The following PTPRB variants were observed in gnomAD, a reference collection of about 807,000 sequenced individuals.
The protein encoded by PTPRB is receptor-type tyrosine-protein phosphatase beta.
Under a neutral mutation model 238.1 loss-of-function variants are expected in PTPRB, and 97 were observed. The ratio of observed to expected loss-of-function variants is 0.41; its 90% confidence interval spans 0.35 to 0.48. The LOEUF is 0.48. PTPRB is among the 20% of genes least tolerant of loss of function. The probability of loss-of-function intolerance (pLI) is 0.30; values close to 1 mark genes in which losing one functional copy is unlikely to be tolerated. For missense variants in PTPRB, 2,292 were observed against 2,681.9 expected, an observed-to-expected ratio of 0.85 and a Z score of 3.21; for synonymous variants, 970 against 995.4, an observed-to-expected ratio of 0.97 and a Z score of 0.48.
intron 5 of PTPRB, 48 bp downstream of exon 5, chr12:70,596,001 T>G (rs749671442): frequency 1.3e-4 from 180 of 1,416,240 alleles, no homozygotes; most frequent in Non-Finnish European, 1.7e-4. Flanking sequence ...AAGTATAACT[T>G]GAAAAGTATC....
chr12:70,626,604 G>A (rs7137957), intron 2 of PTPRB, among the ~76,000 whole-genome samples: 4,706 of 152,054 alleles, frequency 0.031, 98 homozygotes, highest in Non-Finnish European at 0.046. Flanking sequence ...CATTTGTTAG[G>A]TGTTATTAGT....
chr12:70,530,353 C>T (rs896209344), intron 32 of PTPRB, among the ~76,000 whole-genome samples: 1 of 152,024 alleles, frequency 6.6e-6, no homozygotes, highest in Non-Finnish European at 1.5e-5. Flanking sequence ...TTCACATGTA[C>T]ACACTTATAT....
intron 4 of PTPRB, among the ~76,000 whole-genome samples, chr12:70,606,394 G>A (rs911664207): frequency 1.3e-5 from 2 of 152,176 alleles, no homozygotes; most frequent in South Asian, 2.1e-4. Flanking sequence ...CCTTAAGGTC[G>A]TGTCTATATG....
At chr12:70,569,284 AG>A (rs772659591) in intron 14 of PTPRB, among the ~76,000 whole-genome samples, 1 of 151,998 alleles carries the variant, frequency 6.6e-6, no homozygotes, top group African/African-American at 2.4e-5. Context: ...TTGTATTTTT[AG>A]TAGAAATGGG....
chr12:70,590,271 G>T, intron 7 of PTPRB, 38 bp from the exon 8 acceptor site: 1 of 1,503,932 alleles, frequency 6.6e-7, no homozygotes, highest in Non-Finnish European at 8.9e-7. Flanking sequence ...AGATATTACA[G>T]ACCAAAAGTA....
At chr12:70,554,973 A>C (rs1374572604) in intron 20 of PTPRB, among the ~76,000 whole-genome samples, 187 bp downstream of exon 20, 1 of 152,192 alleles carries the variant, frequency 6.6e-6, no homozygotes, top group Non-Finnish European at 1.5e-5. Context: ...AACAGGCTTT[A>C]TTGCCCAAAG....
intron 23 of PTPRB, chr12:70,540,551 A>T (rs1874906254): frequency 7.4e-6 from 2 of 271,930 alleles, no homozygotes; most frequent in Non-Finnish European, 1.4e-5. Flanking sequence ...TGTCTTCATG[A>T]GGATATGAAC....
intron 3 of PTPRB, among the ~76,000 whole-genome samples, chr12:70,616,967 A>G (rs1345782498): frequency 6.6e-6 from 1 of 152,218 alleles, no homozygotes; most frequent in African/African-American, 2.4e-5. Flanking sequence ...TGCATATACA[A>G]AAGTTGGTCC....
chr12:70,589,107 T>C (rs1882228553), intron 8 of PTPRB, among the ~76,000 whole-genome samples: 1 of 152,228 alleles, frequency 6.6e-6, no homozygotes, highest in Admixed American at 6.5e-5. Context: ...GCTTGTCCTG[T>C]GAAATACTAA....
At chr12:70,571,696 A>T in intron 12 of PTPRB, 128 bp downstream of exon 12, 1 of 1,054,360 alleles carries the variant, frequency 9.5e-7, no homozygotes, top group Non-Finnish European at 1.4e-6. Flanking sequence ...GAATGATGTT[A>T]GCACCAAGTG....
At position 70,613,861 on chromosome 12, in the gene PTPRB, TG is replaced by T. The variant is rs373565184; in HGVS notation, c.709-4523del. Among the ~76,000 whole-genome samples, 30 of 152,280 alleles carry T rather than the reference TG, an allele frequency of 2.0e-4. No individual in the cohort carries two copies. The East Asian group carries it at 4.4e-3, about 23-fold the overall frequency. ...CTAAACATGGTCCTGTTGGTCCTGC[TG>T]GACCATGTTTAGAATGAATGTTTAG... On this transcript the variant is annotated intron_variant, in intron 3 of 33. Transcript: ENST00000334414.
In PTPRB at chr12:70,593,559, G is replaced by A. The variant is rs576141331; in HGVS notation, c.1516+908C>T. The stretch of plus-strand genomic sequence containing the variant: ...AAAAAAAGAATGGGCACAGCACTCT[G>A]ATTTTGCACAAGGCAGTCAGGAATG... On this transcript the variant is annotated intron_variant, in intron 6 of 33. Coordinates refer to ENST00000334414, the MANE Select transcript of PTPRB (RefSeq NM_001109754.4). Among the ~76,000 whole-genome samples the A allele has an allele frequency of 2.1e-3, 316 of 147,728 alleles. 2 individuals are homozygous for A. Among genetic ancestry groups the A allele is most frequent in the African/African-American group, 7.1e-3 (287 of 40,252 alleles).
rs1881332301 is a variant in PTPRB, at chr12:70,581,085, T to A, written c.2529A>T (p.Thr843=). The change falls in exon 10 of 34, where the codon ACA becomes ACT. Residue 843 remains threonine, a synonymous_variant. Coordinates refer to ENST00000334414, the MANE Select transcript of PTPRB (RefSeq NM_001109754.4). The part of the protein sequence containing the change: ...SGSLYSVVVT[T]VSGGISSRQV... ...GTCGGGAAGAGATCCCTCCACTCAC[T>A]GTTGTTACCACCACGGAGTACAGGC... The A allele has an allele frequency of 1.2e-6, 2 of 1,614,034 alleles. No homozygotes were observed. Among genetic ancestry groups the A allele is most frequent in the Non-Finnish European group, 1.7e-6 (2 of 1,179,900 alleles).
chr12:70,566,812 G>A, intron 14 of PTPRB, 108 bp from the exon 15 acceptor site: 1 of 1,223,824 alleles, frequency 8.2e-7, no homozygotes, highest in Non-Finnish European at 1.1e-6. Flanking sequence ...TGATGCATTT[G>A]CTTTATTTGT....
At chr12:70,575,261 T>TC (rs1157236389) in intron 11 of PTPRB, among the ~76,000 whole-genome samples, 1 of 152,088 alleles carries the variant, frequency 6.6e-6, no homozygotes, top group East Asian at 1.9e-4. Context: ...TTCCTTTATA[T>TC]CCAAATGAGG....
At position 70,559,445 on chromosome 12, in the gene PTPRB, A is replaced by G. The variant is rs1415314154; in HGVS notation, c.4612T>C (p.Tyr1538His). The stretch of plus-strand genomic sequence containing the variant: ...TAGGATCTCCCTGGACGAAGACCAT[A>G]CACAATGCGTCCTTCTGATTTTCTG... ...NNRKSEGRIV[Y>H]GLRPGRSYQF... The change falls in exon 18 of 34, where the codon TAT becomes CAT. Residue 1538 changes from tyrosine (Y) to histidine (H), a missense_variant. Transcript: ENST00000334414. 6.8e-6 allele frequency: 11 copies of G among 1,614,018 alleles called. No homozygotes were observed. The highest frequency in any genetic ancestry group is 7.6e-6 in the Non-Finnish European group (9 of 1,179,882).
Position 70,521,248 on chromosome 12 carries a change from T to C in PTPRB, c.*241A>G, listed in dbSNP as rs749247128. ...ACTTTAGTGTGGAAAAATAGTATTA[T>C]ATAAAGCTTAATATTAAACATTATG... On this transcript the variant is annotated 3_prime_UTR_variant, in exon 34 of 34. Coordinates refer to ENST00000334414, the MANE Select transcript of PTPRB (RefSeq NM_001109754.4). 3 of 377,874 alleles carry C rather than the reference T, an allele frequency of 7.9e-6. No individual in the cohort carries two copies. Among genetic ancestry groups the C allele is most frequent in the Non-Finnish European group, 1.4e-5 (3 of 212,894 alleles). The allele number at this position is 377,874 out of a possible 1,614,324, so 23.4% of individuals were successfully genotyped here. A position where few individuals can be genotyped will look rare whatever the true frequency, so the allele number is the denominator to read the frequency against.
chr12:70,622,291 C>T, intron 3 of PTPRB, 99 bp downstream of exon 3: 3 of 1,501,580 alleles, frequency 2.0e-6, no homozygotes, highest in South Asian at 1.3e-5. Context: ...GCCTAATCCC[C>T]CTACTGCAGC....
At position 70,562,813 on chromosome 12, in the gene PTPRB, C is replaced by G. The variant is rs777214816; in HGVS notation, c.4168+31G>C. The G allele has an allele frequency of 1.9e-6, 3 of 1,601,170 alleles. No homozygotes were observed. In the African/African-American group the frequency reaches 4.0e-5, roughly 21 times the overall value. ...AGTGAATACCGGGACAATTCCCCCA[C>G]GATTCATTACTGCTTGGGTCTTGGT... On this transcript the variant is annotated intron_variant, in intron 16 of 33. Coordinates refer to ENST00000334414, the MANE Select transcript of PTPRB (RefSeq NM_001109754.4).
Sources: gnomAD v4.1 joint callset for allele counts (sites outside exome capture counted in the v4.1 genomes callset) on GRCh38, gnomAD v4.1.1 for gene constraint, MANE v1.5 for transcripts, NCBI Gene and HGNC (gene_info 2026-07-23, HGNC 2026-07-21) for gene names.